The following SHROOM4 variants were observed in gnomAD, a reference collection of about 807,000 sequenced individuals.
SHROOM4 encodes protein Shroom4.
Under a neutral mutation model 80.3 loss-of-function variants are expected in SHROOM4, and 17 were observed. The observed-to-expected ratio is 0.21, with a 90% CI of 0.14 to 0.32. The LOEUF is 0.32. Ranked by LOEUF, SHROOM4 falls within the 10% of genes least tolerant of loss-of-function variation. The probability of loss-of-function intolerance (pLI) is 1.00; values close to 1 mark genes in which losing one functional copy is unlikely to be tolerated. For missense variants in SHROOM4, 993 were observed against 1,140.3 expected (o/e 0.87, Z 1.86); for synonymous variants, 400 against 437.5 (o/e 0.91, Z 1.07).
chrX:50,709,160 T>G (rs1385702588), intron 1 of SHROOM4, among the ~76,000 whole-genome samples: 5 of 111,201 alleles, frequency 4.5e-5, no homozygotes, highest in Non-Finnish European at 9.4e-5. Context: ...ACTGGGACAC[T>G]TGAAAAGAAA....
intron 1 of SHROOM4, among the ~76,000 whole-genome samples, chrX:50,805,756 G>A (rs1936214057): frequency 8.9e-6 from 1 of 111,733 alleles, no homozygotes; most frequent in African/African-American, 3.3e-5. Flanking sequence ...AGCCAAAGTA[G>A]CATGCCATGA....
intron 3 of SHROOM4, 135 bp downstream of exon 3, chrX:50,638,039 G>T: frequency 1.3e-6 from 1 of 791,626 alleles, no homozygotes; most frequent in Non-Finnish European, 1.9e-6. Context: ...TTGAACTCAG[G>T]TACTCTGGAC....
At chrX:50,582,997 C>A (rs1928692577), downstream of SHROOM4, among the ~76,000 whole-genome samples, 1 of 109,210 alleles carries the variant, frequency 9.2e-6, no homozygotes, top group African/African-American at 3.3e-5. Context: ...TTCAAAGATA[C>A]ACATTTATTT....
At chrX:50,636,893 T>C (rs1403185781) in intron 3 of SHROOM4, among the ~76,000 whole-genome samples, 2 of 111,463 alleles carry the variant, frequency 1.8e-5, no homozygotes, top group Non-Finnish European at 3.8e-5. Context: ...TATCAGAGGG[T>C]TGATGTGTAG....
intron 1 of SHROOM4, among the ~76,000 whole-genome samples, chrX:50,727,907 A>G (rs1934277697): frequency 8.9e-6 from 1 of 112,020 alleles, no homozygotes; most frequent in Admixed American, 9.5e-5. Flanking sequence ...GCAGGTAATA[A>G]AAACAGAAGG....
rs782175798 is a variant in SHROOM4, at chrX:50,615,688, C to G, written c.2958-7504G>C. 3.3e-3 allele frequency among the ~76,000 whole-genome samples: 366 copies of G among 111,443 alleles called. 3 individuals carry two copies. Among genetic ancestry groups the G allele is most frequent in the Non-Finnish European group, 5.8e-3 (306 of 53,138 alleles). On this transcript the variant is annotated intron_variant, in intron 5 of 8. Coordinates refer to ENST00000376020, the MANE Select transcript of SHROOM4 (RefSeq NM_020717.5). ...AGTTAGATCTTTTTTACTGTAACCTCGTAGCCCAGGTTGCCAGGCAATGGG... is the reference window on the plus strand; with the variant it reads ...AGTTAGATCTTTTTTACTGTAACCTGGTAGCCCAGGTTGCCAGGCAATGGG...
intron 1 of SHROOM4, among the ~76,000 whole-genome samples, chrX:50,776,379 T>C (rs1557270122): frequency 8.9e-6 from 1 of 111,921 alleles, no homozygotes; most frequent in African/African-American, 3.2e-5. Flanking sequence ...GTATTGAGCA[T>C]TACTGTGTGC....
At chrX:50,665,295 A>T (rs782099997) in intron 2 of SHROOM4, among the ~76,000 whole-genome samples, 1 of 111,194 alleles carries the variant, frequency 9.0e-6, no homozygotes, top group Admixed American at 9.6e-5. Context: ...ACTGGTGAGC[A>T]TCTCAGGTCG....
At chrX:50,617,601 T>A (rs1193736936) in intron 5 of SHROOM4, among the ~76,000 whole-genome samples, 1 of 104,306 alleles carries the variant, frequency 9.6e-6, no homozygotes. Context: ...GTACTAACTA[T>A]GTGTGTTAGC....
intron 1 of SHROOM4, among the ~76,000 whole-genome samples, chrX:50,747,414 T>A (rs1934795900): frequency 8.9e-6 from 1 of 112,164 alleles, no homozygotes; most frequent in African/African-American, 3.2e-5. Context: ...GAATTCAGAA[T>A]CAGGCTGTGA....
At chrX:50,666,963 A>C (rs1932711063) in intron 2 of SHROOM4, among the ~76,000 whole-genome samples, 1 of 112,076 alleles carries the variant, frequency 8.9e-6, no homozygotes, top group African/African-American at 3.2e-5. Flanking sequence ...CACAGAAAAA[A>C]GGAAGAATAT....
intron 1 of SHROOM4, among the ~76,000 whole-genome samples, chrX:50,788,178 A>C (rs1275001570): frequency 8.9e-6 from 1 of 111,989 alleles, no homozygotes; most frequent in African/African-American, 3.2e-5. Flanking sequence ...TTGTGACATT[A>C]ATAGCATAAA....
chrX:50,728,643 T>C (rs1332027022), intron 1 of SHROOM4, among the ~76,000 whole-genome samples: 3 of 111,647 alleles, frequency 2.7e-5, no homozygotes, highest in Non-Finnish European at 5.6e-5. Context: ...GTAAAACTAA[T>C]CCCTAGTGGT....
intron 2 of SHROOM4, among the ~76,000 whole-genome samples, chrX:50,695,516 G>A (rs1933346309): frequency 8.9e-6 from 1 of 111,857 alleles, no homozygotes; most frequent in Non-Finnish European, 1.9e-5. Flanking sequence ...TATATAATGA[G>A]TAATTTAGTC....
chrX:50,780,286 T>C (rs1557270538), intron 1 of SHROOM4, among the ~76,000 whole-genome samples: 2 of 111,550 alleles, frequency 1.8e-5, no homozygotes, highest in South Asian at 7.5e-4. Flanking sequence ...GAAAATTGCA[T>C]TGCAACCTCA....
Position 50,814,033 on chromosome X carries a change from A to C in SHROOM4, c.-15T>G. The C allele has an allele frequency of 1.7e-6, 2 of 1,154,854 alleles. No homozygotes were observed. Among genetic ancestry groups the C allele is most frequent in the Non-Finnish European group, 2.4e-6 (2 of 846,602 alleles). The stretch of plus-strand genomic sequence containing the variant: ...CGGTTCTCCATCCTCGGCTGGGCTC[A>C]GGCGCCGCCGGGCTCCTTTTCCGAG... On this transcript the variant is annotated 5_prime_UTR_variant, in exon 1 of 9. Coordinates refer to ENST00000376020, the MANE Select transcript of SHROOM4 (RefSeq NM_020717.5).
chrX:50,597,235 C>G (rs998381620), intron 8 of SHROOM4, among the ~76,000 whole-genome samples: 2 of 112,166 alleles, frequency 1.8e-5, no homozygotes. Flanking sequence ...GTAGGGACCA[C>G]CACTGGGCTT....
At chrX:50,672,837 C>A (rs1166021897) in intron 2 of SHROOM4, among the ~76,000 whole-genome samples, 5 of 111,926 alleles carry the variant, frequency 4.5e-5, no homozygotes, top group African/African-American at 1.3e-4. Flanking sequence ...TGAATGACAT[C>A]ATATTTCTCA....
intron 1 of SHROOM4, among the ~76,000 whole-genome samples, chrX:50,696,268 C>T (rs1933367289): frequency 8.9e-6 from 1 of 111,959 alleles, no homozygotes; most frequent in Non-Finnish European, 1.9e-5. Flanking sequence ...CCTACCAAAA[C>T]GTGCAGACAA....
Sources: gnomAD v4.1 joint callset for allele counts (sites outside exome capture counted in the v4.1 genomes callset) on GRCh38, gnomAD v4.1.1 for gene constraint, MANE v1.5 for transcripts, NCBI Gene and HGNC (gene_info 2026-07-23, HGNC 2026-07-21) for gene names.